The following UBE2E2 variants were observed in gnomAD, a reference collection of about 807,000 sequenced individuals.
UBE2E2 encodes the protein ubiquitin-conjugating enzyme E2 E2.
UBE2E2 carries 6 observed loss-of-function variants against 24.7 expected under a neutral mutation model. The ratio of observed to expected loss-of-function variants is 0.24; its 90% CI spans 0.13 to 0.48. The LOEUF is 0.48. UBE2E2 is among the 20% of genes least tolerant of loss of function. UBE2E2 has a pLI of 0.99. For synonymous variants in UBE2E2, 104 were observed against 83.6 expected (o/e 1.24, Z -1.33); for missense variants, 169 against 245.0 (o/e 0.69, Z 2.07).
chr3:23,510,586 G>A (rs1694573098), intron 4 of UBE2E2, among the ~76,000 whole-genome samples: 1 of 151,834 alleles, frequency 6.6e-6, no homozygotes, highest in Non-Finnish European at 1.5e-5. Flanking sequence ...CAGCCTGGGT[G>A]ACAGAGCAAG....
chr3:23,477,037 C>G (rs916586312), intron 3 of UBE2E2, among the ~76,000 whole-genome samples: 2 of 152,076 alleles, frequency 1.3e-5, no homozygotes, highest in Non-Finnish European at 2.9e-5. Flanking sequence ...ACAAAATTAT[C>G]ATTTTAAAAT....
At chr3:23,270,783 C>A (rs1020223862) in intron 3 of UBE2E2, among the ~76,000 whole-genome samples, 2 of 152,162 alleles carry the variant, frequency 1.3e-5, no homozygotes, top group African/African-American at 4.8e-5. Flanking sequence ...TTACTAGTTA[C>A]AATGTTTAAC....
At chr3:23,400,968 T>C (rs1417160574) in intron 3 of UBE2E2, among the ~76,000 whole-genome samples, 1 of 152,158 alleles carries the variant, frequency 6.6e-6, no homozygotes, top group African/African-American at 2.4e-5. Context: ...AAGAAAATAA[T>C]CAGATGTGAA....
chr3:23,347,041 A>C (rs1039659400), intron 3 of UBE2E2, among the ~76,000 whole-genome samples: 1 of 152,102 alleles, frequency 6.6e-6, no homozygotes. Context: ...CATTTTTGTC[A>C]TGCTACTTCC....
intron 3 of UBE2E2, among the ~76,000 whole-genome samples, chr3:23,446,699 G>GTTTTTTT (rs57327621): frequency 1.1e-4 from 12 of 112,226 alleles, no homozygotes; most frequent in East Asian, 2.9e-4. Flanking sequence ...CGTCTGTTTG[G>GTTTTTTT]TTTTTTTTTT....
At chr3:23,551,499 G>A (rs546879602) in intron 5 of UBE2E2, among the ~76,000 whole-genome samples, 23 of 152,232 alleles carry the variant, frequency 1.5e-4, no homozygotes, top group African/African-American at 5.5e-4. Context: ...TAGTAACTTG[G>A]GGCTACTATC....
chr3:23,221,023 A>T (rs1696621631), intron 3 of UBE2E2, among the ~76,000 whole-genome samples: 1 of 152,240 alleles, frequency 6.6e-6, no homozygotes, highest in African/African-American at 2.4e-5. Flanking sequence ...TAACTTGTTC[A>T]AATGCTATTA....
chr3:23,561,679 C>T (rs1401104763), intron 5 of UBE2E2, among the ~76,000 whole-genome samples: 9 of 151,592 alleles, frequency 5.9e-5, no homozygotes, highest in African/African-American at 1.9e-4. Context: ...GCCATTTTCA[C>T]GATACTGATT....
chr3:23,299,033 G>C (rs1698997096), intron 3 of UBE2E2, among the ~76,000 whole-genome samples: 2 of 152,048 alleles, frequency 1.3e-5, no homozygotes, highest in African/African-American at 4.8e-5. Context: ...GTATATGTCA[G>C]GGAATTAATC....
intron 3 of UBE2E2, among the ~76,000 whole-genome samples, chr3:23,219,029 A>G (rs759175118): frequency 1.3e-5 from 2 of 152,192 alleles, no homozygotes; most frequent in Admixed American, 6.6e-5. Context: ...AAGCCCTTCA[A>G]ACAGTTTCAG....
chr3:23,307,243 G>A (rs903488194), intron 3 of UBE2E2, among the ~76,000 whole-genome samples: 1 of 152,046 alleles, frequency 6.6e-6, no homozygotes, highest in African/African-American at 2.4e-5. Context: ...TCTTTCTGAG[G>A]ATATTAATTA....
At chr3:23,385,736 G>C (rs568777173) in intron 3 of UBE2E2, among the ~76,000 whole-genome samples, 1 of 152,210 alleles carries the variant, frequency 6.6e-6, no homozygotes, top group Non-Finnish European at 1.5e-5. Flanking sequence ...GACAAAAGTC[G>C]TAGTAATTTA....
Position 23,407,766 on chromosome 3 carries a change from C to G in UBE2E2, c.228-91842C>G, listed in dbSNP as rs556150519. On this transcript the variant is annotated intron_variant, in intron 3 of 5. Transcript: ENST00000396703. This position sits in a 1 kb window ranked among gnomAD's most constrained non-coding sequence, Gnocchi z 4.0. ...TGTACATCTCAAATAAAACCTAAAA[C>G]TTTGAGGTCTGTTACCTCTGCCTCT... is the stretch of plus-strand genomic sequence containing the variant. Among the ~76,000 whole-genome samples, 1 of 151,630 alleles carries G rather than the reference C, an allele frequency of 6.6e-6. No individual in the cohort carries two copies. The highest frequency in any genetic ancestry group is 2.1e-4 in the South Asian group (1 of 4,780).
intron 3 of UBE2E2, among the ~76,000 whole-genome samples, chr3:23,355,978 A>C (rs116497331): frequency 0.035 from 5,355 of 152,350 alleles, 144 homozygotes; most frequent in Non-Finnish European, 0.054. Flanking sequence ...GCTGCCAGCT[A>C]TCAACTGATT....
At chr3:23,279,602 G>A (rs1392173530) in intron 3 of UBE2E2, among the ~76,000 whole-genome samples, 1 of 152,166 alleles carries the variant, frequency 6.6e-6, no homozygotes, top group Non-Finnish European at 1.5e-5. Context: ...GATGTTTTAT[G>A]TGCCATCTCT....
At chr3:23,441,051 T>C (rs1451942003) in intron 3 of UBE2E2, among the ~76,000 whole-genome samples, 2 of 152,178 alleles carry the variant, frequency 1.3e-5, no homozygotes, top group African/African-American at 2.4e-5. Flanking sequence ...GCTGTTTGGA[T>C]ACTGAGCTCC....
chr3:23,379,050 G>A (rs1696596420), intron 3 of UBE2E2, among the ~76,000 whole-genome samples: 1 of 152,024 alleles, frequency 6.6e-6, no homozygotes, highest in South Asian at 2.1e-4. Context: ...CCTGCTATAT[G>A]TTTATGTAAA....
At chr3:23,259,495 T>C (rs950235537) in intron 3 of UBE2E2, among the ~76,000 whole-genome samples, 3 of 151,982 alleles carry the variant, frequency 2.0e-5, no homozygotes, top group East Asian at 3.8e-4. Flanking sequence ...ACTTAGGAGA[T>C]TGAGGCAGGA....
intron 5 of UBE2E2, chr3:23,534,399 T>C (rs958273954): frequency 6.9e-5 from 13 of 187,994 alleles, no homozygotes; most frequent in Non-Finnish European, 4.9e-5. Flanking sequence ...CACTCCTAAC[T>C]AAAGCAGAAC....
Sources: gnomAD v4.1 joint callset for allele counts (sites outside exome capture counted in the v4.1 genomes callset) on GRCh38, gnomAD v4.1.1 for gene constraint, Gnocchi (gnomAD v3.1) non-coding constraint, MANE v1.5 for transcripts, NCBI Gene and HGNC (gene_info 2026-07-23, HGNC 2026-07-21) for gene names.